IPMK: variants seen among roughly 807,000 people sequenced by gnomAD.
IPMK encodes inositol 1,3,4,6-tetrakisphosphate 5-kinase.
Under a neutral mutation model 45.8 loss-of-function variants are expected in IPMK, and 17 were observed. That is an observed-to-expected ratio of 0.37 (90% CI 0.25 to 0.56). The LOEUF (loss-of-function observed/expected upper bound fraction) is 0.56, where lower values mean the gene tolerates loss of function less well. IPMK is among the 20% of genes least tolerant of loss of function. The pLI is 0.79. For synonymous variants in IPMK, 180 were observed against 184.3 expected (o/e 0.98, Z 0.19); for missense variants, 399 against 498.0 (o/e 0.80, Z 1.89).
chr10:58,226,692 G>C (rs1350248791), intron 3 of IPMK, among the ~76,000 whole-genome samples: 1 of 152,188 alleles, frequency 6.6e-6, no homozygotes, highest in Non-Finnish European at 1.5e-5. Context: ...CTGGGAGGAA[G>C]TCATGCAGAG....
intron 1 of IPMK, among the ~76,000 whole-genome samples, chr10:58,266,190 C>T (rs1038252598): frequency 7.1e-6 from 1 of 139,908 alleles, no homozygotes; most frequent in Admixed American, 6.8e-5. Context: ...ATTCCCAGTC[C>T]GTGCACAAGG....
In IPMK at chr10:58,234,432, A is replaced by T. The variant is rs537515258; in HGVS notation, c.276+3297T>A. ...TCAAACTATACTTCAAGGCTACAGT[A>T]ACCAAAACAGCATGGTACTGGAACC... On this transcript the variant is annotated intron_variant, in intron 2 of 5. Coordinates refer to ENST00000373935, the MANE Select transcript of IPMK (RefSeq NM_152230.5). Among the ~76,000 whole-genome samples, 7 of 152,320 alleles carry T rather than the reference A, an allele frequency of 4.6e-5. No homozygotes were observed. In the East Asian group the frequency reaches 1.4e-3, roughly 29 times the overall value.
intron 5 of IPMK, among the ~76,000 whole-genome samples, chr10:58,198,246 C>G (rs1477846411): frequency 6.6e-6 from 1 of 152,156 alleles, no homozygotes; most frequent in Non-Finnish European, 1.5e-5. Context: ...TTGGGAATAG[C>G]ACTTTCCCAC....
intron 1 of IPMK, among the ~76,000 whole-genome samples, chr10:58,256,694 A>G (rs1480306393): frequency 6.6e-6 from 1 of 152,144 alleles, no homozygotes; most frequent in East Asian, 1.9e-4. Flanking sequence ...ACCTGCCGAC[A>G]TGTGATGTCA....
intron 2 of IPMK, among the ~76,000 whole-genome samples, chr10:58,237,019 T>A (rs561700295): frequency 6.6e-6 from 1 of 152,262 alleles, no homozygotes; most frequent in Admixed American, 6.5e-5. Context: ...GAGGTTGCAA[T>A]GAATCAACAT....
At chr10:58,257,226 G>A (rs1838983450) in intron 1 of IPMK, among the ~76,000 whole-genome samples, 1 of 152,162 alleles carries the variant, frequency 6.6e-6, no homozygotes, top group Non-Finnish European at 1.5e-5. Context: ...CAGGCCCGGT[G>A]GCTCACACCT....
rs1588947470 is a variant in IPMK, at chr10:58,191,671, C to T, written c.*4405G>A. ...ATAACCCCTGCAGTCCAAGTATACC[C>T]CCACAATAGTACAAATTACAAACAC... On this transcript the variant is annotated 3_prime_UTR_variant, in exon 6 of 6. Transcript: ENST00000373935. The T allele has an allele frequency of 6.6e-6, 1 of 151,080 alleles. No homozygotes were observed. Among genetic ancestry groups the T allele is most frequent in the East Asian group, 1.9e-4 (1 of 5,178 alleles). 9.4% of individuals were successfully genotyped at this position (151,080 alleles called of 1,614,324 possible). A position where few individuals can be genotyped will look rare whatever the true frequency, so the allele number is the denominator to read the frequency against.
In IPMK at chr10:58,193,307, A is replaced by G. The variant is rs1837842768; in HGVS notation, c.*2769T>C. 1 of 151,930 alleles carries G rather than the reference A, an allele frequency of 6.6e-6. No homozygotes were observed. The highest frequency in any genetic ancestry group is 1.5e-5 in the Non-Finnish European group (1 of 67,814). 9.4% of individuals were successfully genotyped at this position (151,930 alleles called of 1,614,324 possible). ...AAGGTTCTTCAGTTAAACAGTTTAG[A>G]GCCCCATAAGAGCAAACTGTAGTGT... On this transcript the variant is annotated 3_prime_UTR_variant, in exon 6 of 6. Transcript: ENST00000373935.
At chr10:58,238,492 C>A (rs1838647970) in intron 1 of IPMK, among the ~76,000 whole-genome samples, 1 of 152,206 alleles carries the variant, frequency 6.6e-6, no homozygotes, top group Non-Finnish European at 1.5e-5. Context: ...GCCATGAAGA[C>A]TCATTCCAAA....
At chr10:58,233,939 C>T (rs1838568467) in intron 2 of IPMK, among the ~76,000 whole-genome samples, 1 of 152,076 alleles carries the variant, frequency 6.6e-6, no homozygotes, top group Non-Finnish European at 1.5e-5. Flanking sequence ...AGCCCAAAAT[C>T]TTAAGCTAAT....
chr10:58,238,988 T>TA (rs772599784), intron 1 of IPMK, among the ~76,000 whole-genome samples: 8 of 151,938 alleles, frequency 5.3e-5, no homozygotes, highest in Non-Finnish European at 1.0e-4. Flanking sequence ...ACAAAACATT[T>TA]AAAAAAGAAA....
intron 1 of IPMK, among the ~76,000 whole-genome samples, chr10:58,263,062 AG>A (rs1279114322): frequency 1.3e-5 from 2 of 152,236 alleles, no homozygotes; most frequent in Non-Finnish European, 2.9e-5. Flanking sequence ...CCTCACATAT[AG>A]CTTATTAAAT....
chr10:58,237,478 A>T (rs991757126), intron 2 of IPMK, among the ~76,000 whole-genome samples: 1 of 152,206 alleles, frequency 6.6e-6, no homozygotes, highest in Non-Finnish European at 1.5e-5. Flanking sequence ...ACAGAGGGTA[A>T]TTTTAATTTC....
Position 58,267,328 on chromosome 10 carries a change from T to A in IPMK, c.190+94A>T, listed in dbSNP as rs1588976927. 4 of 1,281,556 alleles carry A rather than the reference T, an allele frequency of 3.1e-6. No homozygotes were observed. The East Asian group carries it at 9.5e-5, about 31-fold the overall frequency. The allele number at this position is 1,281,556 out of a possible 1,614,324, so 79.4% of individuals were successfully genotyped here. ...ATTTGGCGTGCACACCAGGGGGGCG[T>A]CCAGGCAGGCCCGAGAGCGCTAGGC... On this transcript the variant is annotated intron_variant, in intron 1 of 5. Coordinates refer to ENST00000373935, the MANE Select transcript of IPMK (RefSeq NM_152230.5).
intron 3 of IPMK, among the ~76,000 whole-genome samples, chr10:58,216,964 C>T (rs1838252849): frequency 1.3e-5 from 2 of 152,188 alleles, no homozygotes; most frequent in South Asian, 4.2e-4. Context: ...AATTCTTGTG[C>T]CTCAGGCTCT....
At chr10:58,231,097 A>G (rs1456704996) in intron 2 of IPMK, among the ~76,000 whole-genome samples, 1 of 152,252 alleles carries the variant, frequency 6.6e-6, no homozygotes, top group African/African-American at 2.4e-5. Flanking sequence ...GAACAAATCA[A>G]TGAAATAAAG....
chr10:58,246,998 A>G (rs1838811791), intron 1 of IPMK, among the ~76,000 whole-genome samples: 1 of 150,916 alleles, frequency 6.6e-6, no homozygotes, highest in African/African-American at 2.5e-5. Flanking sequence ...GGCAAAGGAC[A>G]TGAACAGACA....
At chr10:58,253,735 AAAAAAAAAAAAAAAAG>A (rs1838919924) in intron 1 of IPMK, among the ~76,000 whole-genome samples, 1 of 103,452 alleles carries the variant, frequency 9.7e-6, no homozygotes, top group Non-Finnish European at 1.8e-5. Context: ...CTCCATCTCC[AAAAAAAAAAAAAAAAG>A]AAAAAAAAAG....
chr10:58,244,082 C>T (rs1411454397), intron 1 of IPMK, among the ~76,000 whole-genome samples: 7 of 150,624 alleles, frequency 4.6e-5, no homozygotes, highest in South Asian at 2.1e-4. Context: ...AGGTGGGGAA[C>T]GTCTCTGCCC....
Sources: allele counts gnomAD v4.1 joint callset (sites outside exome capture counted in the v4.1 genomes callset), GRCh38; gene constraint gnomAD v4.1.1; transcripts MANE v1.5; gene names NCBI Gene and HGNC (gene_info 2026-07-23, HGNC 2026-07-21).